Variants in FAM9B observed in about 807,000 individuals in gnomAD.
FAM9B encodes the protein family with sequence similarity 9 member B.
Under a neutral mutation model 16.6 loss-of-function variants are expected in FAM9B, and 18 were observed. The observed-to-expected ratio is 1.09, with a 90% confidence interval of 0.75 to 1.61. The LOEUF is 1.61. Ranked by LOEUF, FAM9B falls within the 40% of genes most tolerant of loss-of-function variation. FAM9B has a pLI of 0.00. For missense variants in FAM9B, 155 were observed against 136.0 expected, an observed-to-expected ratio of 1.14 and a Z score of -0.70; for synonymous variants, 43 against 42.6, an observed-to-expected ratio of 1.01 and a Z score of -0.03.
In FAM9B at chrX:9,027,928, A is replaced by G. The variant is rs144538970; in HGVS notation, c.432T>C (p.Tyr144=). Reference sequence around the variant, plus strand: ...TCAGCCTCTCTCTCCTAACACTTCTATATTGTTGCCACTTCTTCTGTTGTT... The same window carrying G: ...TCAGCCTCTCTCTCCTAACACTTCTGTATTGTTGCCACTTCTTCTGTTGTT... ...FQEQQKKWQQ[Y]RSVRRERLKE... Residue 144 remains tyrosine (Y), a synonymous_variant, in exon 7 of 9, where the codon TAT becomes TAC. Coordinates refer to ENST00000327220, the MANE Select transcript of FAM9B (RefSeq NM_205849.3). 428 of 1,208,622 alleles carry G rather than the reference A, an allele frequency of 3.5e-4. No individual in the cohort carries two copies. The highest frequency in any genetic ancestry group is 4.3e-4 in the Non-Finnish European group (382 of 894,194).
intron 7 of FAM9B, among the ~76,000 whole-genome samples, chrX:9,026,495 G>C (rs1345071137): frequency 9.0e-6 from 1 of 110,833 alleles, no homozygotes; most frequent in Non-Finnish European, 1.9e-5. Flanking sequence ...CGGAAGGGCT[G>C]GGAAGCATTT....
At chrX:9,033,229 T>C in intron 1 of FAM9B, 154 bp from the exon 2 acceptor site, 1 of 1,109,649 alleles carries the variant, frequency 9.0e-7, no homozygotes, top group Non-Finnish European at 1.2e-6. Flanking sequence ...TGTCCCCTCC[T>C]GTCCTGGCCC....
rs1920983629 is a variant in FAM9B at position 9,027,975 on chromosome X, C to T, written c.394-9G>A. 1 of 1,153,199 alleles carries T rather than the reference C, an allele frequency of 8.7e-7. No homozygotes were observed. Among genetic ancestry groups the T allele is most frequent in the Non-Finnish European group, 1.2e-6 (1 of 844,882 alleles). On this transcript the variant is annotated splice_polypyrimidine_tract_variant and intron_variant, in intron 6 of 8. Transcript: ENST00000327220. Reference sequence around the variant, plus strand: ...TGTTCTTGAAATATTCTCTAGAATCCCAAAACAAAATAGTGATAAAAATTG... The same window carrying T: ...TGTTCTTGAAATATTCTCTAGAATCTCAAAACAAAATAGTGATAAAAATTG...
Position 9,024,963 on chromosome X carries a change from T to C in FAM9B, c.*446A>G, listed in dbSNP as rs1920956585. 8.9e-6 allele frequency: 1 copy of C among 112,851 alleles called. No homozygotes were observed. 9.3% of individuals were successfully genotyped at this position (112,851 alleles called of 1,213,427 possible). On this transcript the variant is annotated 3_prime_UTR_variant, in exon 9 of 9. Transcript: ENST00000327220. ...TCCCAAAGTGCTGGGATTACAGGCGTGAGCCACCACACCCAGCAGATATTG... is the reference window on the plus strand; with the variant it reads ...TCCCAAAGTGCTGGGATTACAGGCGCGAGCCACCACACCCAGCAGATATTG...
In FAM9B at chrX:9,027,936, G is replaced by A. The variant is rs1284896208; in HGVS notation, c.424C>T (p.Gln142Ter). 4.1e-5 allele frequency: 50 copies of A among 1,206,871 alleles called. No homozygotes were observed. Among genetic ancestry groups the A allele is most frequent in the Non-Finnish European group, 4.9e-5 (44 of 893,062 alleles). Reference sequence around the variant, plus strand: ...TCTCTCCTAACACTTCTATATTGTTGCCACTTCTTCTGTTGTTCTTGAAAT... The same window carrying A: ...TCTCTCCTAACACTTCTATATTGTTACCACTTCTTCTGTTGTTCTTGAAAT... ...RIFQEQQKKWQQYRSVRRERL... is the reference protein window; with the variant it reads ...RIFQEQQKKW Residue 142 changes from glutamine (Q) to a stop codon, truncating the protein, a stop_gained, in exon 7 of 9, where the codon CAA (glutamine) becomes TAA (stop). Coordinates refer to ENST00000327220, the MANE Select transcript of FAM9B (RefSeq NM_205849.3). LOFTEE classifies it high-confidence loss of function.
chrX:9,033,598 TC>T (rs765677917), intron 1 of FAM9B, among the ~76,000 whole-genome samples: 302 of 10,696 alleles, frequency 0.028, 4 homozygotes, highest in African/African-American at 0.091. Context: ...CCTCGGCCCC[TC>T]CCCCCAACAC....
At position 9,029,347 on chromosome X, in the gene FAM9B, TTCTGCTCG is replaced by T; in HGVS notation, c.345_352del (p.Asp115GlufsTer15). ...TTCTCCCTCTTCTTCTTCTTCCTCT[TTCTGCTCG>T]TCTGTGATGTATTCTTCAAGGACAT... On this transcript the variant is annotated frameshift_variant, in exon 6 of 9. Transcript: ENST00000327220. LOFTEE classifies it high-confidence loss of function. The T allele has an allele frequency of 8.3e-7, 1 of 1,209,812 alleles. No individual in the cohort carries two copies. The highest frequency in any genetic ancestry group is 1.1e-6 in the Non-Finnish European group (1 of 894,060).
Position 9,033,933 on chromosome X carries a change from A to T in FAM9B, c.-171T>A. On this transcript the variant is annotated 5_prime_UTR_variant, in exon 1 of 9. Transcript: ENST00000327220. ...GACCTCTTAGAAAACGGGTCCTCTC[A>T]GGAAGCTGAGGCAGGAGAATTGCTT... 5.3e-6 allele frequency: 4 copies of T among 751,028 alleles called. No homozygotes were observed. Among genetic ancestry groups the T allele is most frequent in the Non-Finnish European group, 6.3e-6 (4 of 636,804 alleles). The allele number at this position is 751,028 out of a possible 1,213,427, so 61.9% of individuals were successfully genotyped here.
At chrX:9,032,561 G>T in intron 2 of FAM9B, 100 bp from the exon 3 acceptor site, 3 of 527,802 alleles carry the variant, frequency 5.7e-6, no homozygotes, top group Non-Finnish European at 8.6e-6. Context: ...TTTGGGGGGG[G>T]GGGGCTCTCT....
At chrX:9,033,226 T>C (rs755902915) in intron 1 of FAM9B, 151 bp from the exon 2 acceptor site, 5 of 1,117,065 alleles carry the variant, frequency 4.5e-6, no homozygotes, top group East Asian at 6.6e-5. Flanking sequence ...CAGTGTCCCC[T>C]CCTGTCCTGG....
In FAM9B at chrX:9,033,681, G is replaced by GGCCCCC; in HGVS notation, c.-90+170_-90+171insGGGGGC. On this transcript the variant is annotated intron_variant, in intron 1 of 8. Coordinates refer to ENST00000327220, the MANE Select transcript of FAM9B (RefSeq NM_205849.3). ...CAGCTCCAGCTCCCTCCCTGCCCTG[G>GGCCCCC]CCCACCCCAGCCCACCCTAGCCCAC... is the stretch of plus-strand genomic sequence containing the variant. 8.5e-4 allele frequency: 126 copies of GGCCCCC among 147,836 alleles called. 4 individuals are homozygous for GGCCCCC. Among genetic ancestry groups the GGCCCCC allele is most frequent in the Non-Finnish European group, 1.2e-3 (114 of 92,219 alleles). 12.2% of individuals were successfully genotyped at this position (147,836 alleles called of 1,213,427 possible). A position where few individuals can be genotyped will look rare whatever the true frequency, so the allele number is the denominator to read the frequency against.
intron 7 of FAM9B, among the ~76,000 whole-genome samples, chrX:9,025,968 T>C (rs1175511326): frequency 2.7e-5 from 3 of 111,337 alleles, no homozygotes; most frequent in Non-Finnish European, 5.7e-5. Context: ...ATGGTTTCCA[T>C]TGAAGGGATA....
chrX:9,025,744 T>G (rs1382433305), intron 7 of FAM9B, among the ~76,000 whole-genome samples, 161 bp from the exon 8 acceptor site: 2 of 111,982 alleles, frequency 1.8e-5, no homozygotes, highest in Non-Finnish European at 3.8e-5. Context: ...GAGCTCCAAA[T>G]ACCCAATTAA....
At position 9,029,403 on chromosome X, in the gene FAM9B, A is replaced by G; in HGVS notation, c.297T>C (p.Tyr99=). 8.4e-7 allele frequency: 1 copy of G among 1,195,567 alleles called. No homozygotes were observed. The highest frequency in any genetic ancestry group is 1.8e-5 in the South Asian group (1 of 56,477). Residue 99 remains tyrosine, a synonymous_variant, in exon 6 of 9, where the codon TAT becomes TAC. Coordinates refer to ENST00000327220, the MANE Select transcript of FAM9B (RefSeq NM_205849.3). ...KKQLKRQKRD[Y]IHSLKLLNVL... Reference sequence around the variant, plus strand: ...CATTTAGCAACTTCAGAGAATGTATATAATCACGTTTCTGCCTGTAACACA... The same window carrying G: ...CATTTAGCAACTTCAGAGAATGTATGTAATCACGTTTCTGCCTGTAACACA...
At chrX:9,031,684 T>C (rs1473785781) in intron 4 of FAM9B, 3 of 115,193 alleles carry the variant, frequency 2.6e-5, no homozygotes, top group African/African-American at 9.8e-5. Flanking sequence ...GCTTATAAAC[T>C]GGGTGACAAA....
Position 9,029,334 on chromosome X carries a change from T to C in FAM9B, c.366A>G (p.Glu122=), listed in dbSNP as rs1295339778. The C allele has an allele frequency of 3.3e-6, 4 of 1,207,560 alleles. No individual in the cohort carries two copies. The highest frequency in any genetic ancestry group is 1.8e-5 in the South Asian group (1 of 56,653). Residue 122 remains glutamate (E), a synonymous_variant, in exon 6 of 9, where the codon GAA becomes GAG. Coordinates refer to ENST00000327220, the MANE Select transcript of FAM9B (RefSeq NM_205849.3). ...TTAGTTCTTCCTCTTCTCCCTCTTCTTCTTCTTCCTCTTTCTGCTCGTCTG... is the reference window on the plus strand; with the variant it reads ...TTAGTTCTTCCTCTTCTCCCTCTTCCTCTTCTTCCTCTTTCTGCTCGTCTG... ...YITDEQKEEE[E]EEGEEEELIR...
In FAM9B at chrX:9,029,343, C is replaced by G; in HGVS notation, c.357G>C (p.Glu119Asp). The G allele has an allele frequency of 8.3e-7, 1 of 1,208,199 alleles. No homozygotes were observed. Among genetic ancestry groups the G allele is most frequent in the Non-Finnish European group, 1.1e-6 (1 of 893,115 alleles). ...CCTCTTCTCCCTCTTCTTCTTCTTC[C>G]TCTTTCTGCTCGTCTGTGATGTATT... is the stretch of plus-strand genomic sequence containing the variant. ...LEEYITDEQK[E>D]EEEEEGEEEE... is the part of the protein sequence containing the mutation. The change falls in exon 6 of 9, where the codon GAG becomes GAC. Residue 119 changes from glutamate to aspartate, a missense_variant. Glu to Asp is a conservative substitution (Grantham distance 45). Coordinates refer to ENST00000327220, the MANE Select transcript of FAM9B (RefSeq NM_205849.3).
chrX:9,028,066 T>A, intron 6 of FAM9B, 100 bp from the exon 7 acceptor site: 1 of 561,622 alleles, frequency 1.8e-6, no homozygotes, highest in Non-Finnish European at 2.9e-6. Context: ...TTTAAATCAA[T>A]ACCTCTGAAC....
intron 7 of FAM9B, among the ~76,000 whole-genome samples, 170 bp downstream of exon 7, chrX:9,027,698 A>G (rs751584208): frequency 1.8e-5 from 2 of 112,339 alleles, no homozygotes; most frequent in South Asian, 3.6e-4. Flanking sequence ...AATCCTAAAA[A>G]TACATTTACC....
Sources: allele counts gnomAD v4.1 joint callset (sites outside exome capture counted in the v4.1 genomes callset), GRCh38; gene constraint gnomAD v4.1.1; transcripts MANE v1.5; gene names NCBI Gene and HGNC (gene_info 2026-07-23, HGNC 2026-07-21).